The following PCDHA6 variants were observed in gnomAD, a reference collection of about 807,000 sequenced individuals.
The protein encoded by PCDHA6 is protocadherin alpha 6.
A neutral mutation model predicts 60.3 loss-of-function variants in PCDHA6; 55 were observed. The observed-to-expected ratio is 0.91, with a 90% CI of 0.73 to 1.14. The LOEUF (loss-of-function observed/expected upper bound fraction) is 1.14. PCDHA6 is among the 50% of genes most tolerant of loss of function. The pLI is 0.00. For missense variants in PCDHA6, 1,327 were observed against 1,256.5 expected, an observed-to-expected ratio of 1.06 and a Z score of -0.85; for synonymous variants, 652 against 557.9, an observed-to-expected ratio of 1.17 and a Z score of -2.38.
At chr5:140,868,042 C>G (rs1248168990) in intron 1 of PCDHA6, 1 of 151,924 alleles carries the variant, frequency 6.6e-6, no homozygotes, top group Non-Finnish European at 1.5e-5. Context: ...CTTGGAAATA[C>G]CAATATGGCA....
chr5:140,852,903 G>A, intron 1 of PCDHA6: 1 of 833,182 alleles, frequency 1.2e-6, no homozygotes, highest in South Asian at 5.4e-5. Flanking sequence ...TTTTGAGTCA[G>A]AGTCTCGCTC....
intron 1 of PCDHA6, among the ~76,000 whole-genome samples, chr5:140,953,511 G>A (rs1243901831): frequency 1.3e-5 from 2 of 152,114 alleles, no homozygotes; most frequent in Non-Finnish European, 2.9e-5. Flanking sequence ...TTAGGCCAAA[G>A]CAACAAAAAC....
chr5:140,902,622 A>C (rs1328816868), intron 1 of PCDHA6, among the ~76,000 whole-genome samples: 2 of 152,068 alleles, frequency 1.3e-5, no homozygotes, highest in Non-Finnish European at 2.9e-5. Flanking sequence ...TGGGTAAGTT[A>C]TTTAGTGGTG....
At chr5:140,976,528 A>G (rs1238458657) in intron 1 of PCDHA6, among the ~76,000 whole-genome samples, 1 of 152,112 alleles carries the variant, frequency 6.6e-6, no homozygotes, top group East Asian at 1.9e-4. Flanking sequence ...ACCAGCCTAA[A>G]TGACAGAGTA....
At chr5:140,920,662 G>A (rs2079759376) in intron 1 of PCDHA6, among the ~76,000 whole-genome samples, 1 of 152,044 alleles carries the variant, frequency 6.6e-6, no homozygotes, top group Admixed American at 6.6e-5. Context: ...TTGCCAACAT[G>A]GTGAAACCCC....
intron 1 of PCDHA6, chr5:140,864,197 G>A (rs2048362384): frequency 6.6e-6 from 1 of 152,118 alleles, no homozygotes; most frequent in Non-Finnish European, 1.5e-5. Context: ...ATCCTTATGA[G>A]AAGGTCAAAT....
At chr5:140,871,475 G>A in intron 1 of PCDHA6, 1 of 1,598,972 alleles carries the variant, frequency 6.3e-7, no homozygotes, top group Non-Finnish European at 8.5e-7. Context: ...CAGGAGCCAG[G>A]GTCAAATCAC....
chr5:140,897,368 GTTCCC>G (rs533733561), intron 1 of PCDHA6, among the ~76,000 whole-genome samples: 1,322 of 125,926 alleles, frequency 0.01, 14 homozygotes, highest in African/African-American at 0.03. Flanking sequence ...AGAGTGTGAT[GTTCCC>G]TTCCCCTTCC....
intron 1 of PCDHA6, chr5:140,834,269 A>C: frequency 9.7e-7 from 1 of 1,036,048 alleles, no homozygotes; most frequent in Non-Finnish European, 1.4e-6. Flanking sequence ...ACTCTCTTTC[A>C]CTCTTTGGAT....
intron 1 of PCDHA6, among the ~76,000 whole-genome samples, chr5:140,909,322 T>A (rs1554193738): frequency 6.6e-6 from 1 of 152,236 alleles, no homozygotes. Context: ...ATTTGCCAAA[T>A]CAATGGTTGC....
intron 1 of PCDHA6, chr5:140,841,294 A>G (rs2150312658): frequency 8.3e-6 from 13 of 1,563,188 alleles, no homozygotes; most frequent in African/African-American, 1.4e-5. Context: ...TTAAGATAAT[A>G]TTTTCTGATA....
Position 141,000,369 on chromosome 5 carries a change from C to CTG in PCDHA6, c.2543-9257_2543-9256insGT, listed in dbSNP as rs1469177188. On this transcript the variant is annotated intron_variant, in intron 3 of 3. Coordinates refer to ENST00000529310, the MANE Select transcript of PCDHA6 (RefSeq NM_018909.4). ...TCTCTCTGTCTCTCTCTGTCTCTCT[C>CTG]TCTCTCTCTCTCTCTCTCTCTCTCT... Among the ~76,000 whole-genome samples, 12 of 35,276 alleles carry CTG rather than the reference C, an allele frequency of 3.4e-4. No individual in the cohort carries two copies. In the East Asian group the frequency reaches 5.7e-3, roughly 17 times the overall value. The allele number at this position is 35,276 out of a possible 152,430, so 23.1% of individuals were successfully genotyped here.
intron 1 of PCDHA6, chr5:140,831,345 A>G (rs1554133179): frequency 1.4e-5 from 2 of 142,358 alleles, no homozygotes; most frequent in African/African-American, 5.3e-5. Flanking sequence ...AGTAATTTAA[A>G]CTATTCACTA....
At chr5:140,848,899 C>T (rs1223339539) in intron 1 of PCDHA6, 1 of 1,605,974 alleles carries the variant, frequency 6.2e-7, no homozygotes, top group Admixed American at 1.7e-5. Context: ...GTGTTCCCAG[C>T]GACACAAAAG....
chr5:140,869,525 T>C, intron 1 of PCDHA6: 2 of 1,614,200 alleles, frequency 1.2e-6, no homozygotes, highest in Admixed American at 1.7e-5. Context: ...CAAAAGCTGC[T>C]GATTGCGGAA....
chr5:140,982,779 G>A (rs1228586175), intron 3 of PCDHA6, among the ~76,000 whole-genome samples: 2 of 151,918 alleles, frequency 1.3e-5, no homozygotes, highest in African/African-American at 2.4e-5. Context: ...GAAAGTGTGT[G>A]TGCACGCATG....
At chr5:140,978,726 T>C (rs1453953300) in intron 1 of PCDHA6, among the ~76,000 whole-genome samples, 2 of 152,250 alleles carry the variant, frequency 1.3e-5, no homozygotes, top group African/African-American at 4.8e-5. Flanking sequence ...TTATTAAATC[T>C]GGTCTTCCAG....
At chr5:140,886,638 C>T (rs1282922977) in intron 1 of PCDHA6, among the ~76,000 whole-genome samples, 4 of 151,738 alleles carry the variant, frequency 2.6e-5, no homozygotes, top group South Asian at 2.1e-4. Flanking sequence ...CCAGCCTGGC[C>T]AACATGGTGA....
chr5:140,967,943 G>T, intron 1 of PCDHA6: 1 of 1,614,190 alleles, frequency 6.2e-7, no homozygotes. Flanking sequence ...CAATGACCAA[G>T]ACTCAGGCCC....
Sources: gnomAD v4.1 joint callset for allele counts (sites outside exome capture counted in the v4.1 genomes callset) on GRCh38, gnomAD v4.1.1 for gene constraint, MANE v1.5 for transcripts, NCBI Gene and HGNC (gene_info 2026-07-23, HGNC 2026-07-21) for gene names.